CDH13: variants seen among roughly 807,000 people sequenced by gnomAD.
CDH13 encodes the protein cadherin 13.
In CDH13, 24 loss-of-function variants were observed where a neutral mutation model predicts 63.8. The ratio of observed to expected loss-of-function variants is 0.38; its 90% CI spans 0.27 to 0.53. CDH13 has a LOEUF of 0.53. CDH13 is among the 20% of genes least tolerant of loss of function. CDH13 has a pLI of 0.85. For synonymous variants in CDH13, 503 were observed against 355.3 expected, an observed-to-expected ratio of 1.42 and a Z score of -4.67; for missense variants, 1,049 against 903.1, an observed-to-expected ratio of 1.16 and a Z score of -2.07.
At chr16:82,710,693 T>G (rs1352878495) in intron 1 of CDH13, among the ~76,000 whole-genome samples, 2 of 146,164 alleles carry the variant, frequency 1.4e-5, no homozygotes, top group Non-Finnish European at 3.0e-5. Flanking sequence ...TATATTTGTA[T>G]ATTTATAAAT....
chr16:83,437,967 C>T (rs565080057), intron 6 of CDH13, among the ~76,000 whole-genome samples: 1 of 152,274 alleles, frequency 6.6e-6, no homozygotes, highest in South Asian at 2.1e-4. Context: ...TCCATCCATC[C>T]TCCTGGCCAC....
intron 2 of CDH13, chr16:82,953,590 G>T (rs1266788335): frequency 6.6e-6 from 1 of 152,180 alleles, no homozygotes; most frequent in Non-Finnish European, 1.5e-5. Context: ...CTGGTTGGCA[G>T]TTATATGTGC....
intron 1 of CDH13, among the ~76,000 whole-genome samples, chr16:82,788,260 C>T (rs1164759552): frequency 6.6e-6 from 1 of 152,156 alleles, no homozygotes. Flanking sequence ...CTTGACTTGA[C>T]ATGGGATGGT....
intron 2 of CDH13, among the ~76,000 whole-genome samples, chr16:82,983,311 C>T (rs1178965005): frequency 1.3e-5 from 2 of 152,216 alleles, no homozygotes; most frequent in Non-Finnish European, 2.9e-5. Context: ...CTCCCCGCTC[C>T]TCCCAGCTTC....
chr16:83,124,086 C>T (rs1276803533), intron 3 of CDH13, among the ~76,000 whole-genome samples: 2 of 152,088 alleles, frequency 1.3e-5, no homozygotes, highest in African/African-American at 2.4e-5. Context: ...CGTTCTGTCA[C>T]CCAGGATGGA....
At chr16:83,532,438 C>T (rs2075102015) in intron 7 of CDH13, among the ~76,000 whole-genome samples, 1 of 152,172 alleles carries the variant, frequency 6.6e-6, no homozygotes, top group African/African-American at 2.4e-5. Context: ...ATGGGAGTCC[C>T]TTAATAAAAT....
Position 83,446,119 on chromosome 16 carries a change from G to A in CDH13, c.782-40358G>A, listed in dbSNP as rs918305497. On this transcript the variant is annotated intron_variant, in intron 6 of 13. Coordinates refer to ENST00000567109, the MANE Select transcript of CDH13 (RefSeq NM_001257.5). ...GGAGTTCAAGACCAGCATGGCCAAC[G>A]TGGTGAAACCCCATCTCTACAAAAA... 5.9e-5 allele frequency among the ~76,000 whole-genome samples: 9 copies of A among 151,930 alleles called. No homozygotes were observed. The East Asian group carries it at 9.7e-4, about 16-fold the overall frequency.
intron 10 of CDH13, among the ~76,000 whole-genome samples, chr16:83,743,933 C>G (rs915616460): frequency 6.6e-6 from 1 of 151,714 alleles, no homozygotes; most frequent in Non-Finnish European, 1.5e-5. Context: ...AAGCCCAGCC[C>G]CTGGAATCCA....
intron 2 of CDH13, among the ~76,000 whole-genome samples, chr16:82,895,374 C>T (rs2041216955): frequency 6.6e-6 from 1 of 152,178 alleles, no homozygotes; most frequent in Non-Finnish European, 1.5e-5. Context: ...ACAAATTTGC[C>T]ACCATCCCCT....
At chr16:82,998,814 G>C (rs72794129) in intron 2 of CDH13, among the ~76,000 whole-genome samples, 23,936 of 149,354 alleles carry the variant, frequency 0.16, 2,293 homozygotes, top group African/African-American at 0.26. Flanking sequence ...ATTCATGTAC[G>C]CCTTAAGCCT....
intron 5 of CDH13, among the ~76,000 whole-genome samples, chr16:83,334,827 A>G (rs186117237): frequency 6.6e-6 from 1 of 152,280 alleles, no homozygotes; most frequent in Admixed American, 6.5e-5. Context: ...TTTAGAAAGG[A>G]TATGTAGATA....
At chr16:83,540,013 G>A (rs1055037513) in intron 7 of CDH13, among the ~76,000 whole-genome samples, 67 of 151,586 alleles carry the variant, frequency 4.4e-4, no homozygotes, top group African/African-American at 1.5e-3. Context: ...AATTTAGGTG[G>A]TTTGTCCTGG....
chr16:82,737,495 G>A (rs183245335), intron 1 of CDH13, among the ~76,000 whole-genome samples: 133 of 152,364 alleles, frequency 8.7e-4, no homozygotes, highest in African/African-American at 3.0e-3. Flanking sequence ...GAAGAGAGGG[G>A]TGGTCTGATG....
At chr16:83,529,374 T>C (rs889290156) in intron 7 of CDH13, among the ~76,000 whole-genome samples, 1 of 152,194 alleles carries the variant, frequency 6.6e-6, no homozygotes, top group Non-Finnish European at 1.5e-5. Context: ...TATTTGAGTT[T>C]ATATGTATAA....
At chr16:82,702,130 G>A (rs527488074) in intron 1 of CDH13, among the ~76,000 whole-genome samples, 1 of 152,234 alleles carries the variant, frequency 6.6e-6, no homozygotes, top group East Asian at 1.9e-4. Flanking sequence ...CCTTTTCTGT[G>A]TGTGCTGCGT....
intron 1 of CDH13, among the ~76,000 whole-genome samples, chr16:82,743,178 A>C (rs1341094841): frequency 6.6e-6 from 1 of 152,188 alleles, no homozygotes; most frequent in Non-Finnish European, 1.5e-5. Context: ...TTCTGGGCAA[A>C]ACCAGTTTTG....
intron 2 of CDH13, among the ~76,000 whole-genome samples, chr16:82,869,587 T>C (rs990614947): frequency 2.0e-5 from 3 of 152,186 alleles, no homozygotes; most frequent in Admixed American, 2.0e-4. Flanking sequence ...ACAGTTGTAC[T>C]ACAAAGCTAT....
chr16:83,397,433 C>T (rs2091904696), intron 6 of CDH13: 1 of 152,162 alleles, frequency 6.6e-6, no homozygotes, highest in African/African-American at 2.4e-5. Context: ...TACAGGTGAC[C>T]ATCCCTCTGC....
intron 3 of CDH13, among the ~76,000 whole-genome samples, chr16:83,050,498 CAT>C (rs1479928509): frequency 3.3e-5 from 5 of 152,100 alleles, no homozygotes; most frequent in African/African-American, 1.2e-4. Context: ...TATAGAAACC[CAT>C]ATATTTTCTT....
Sources: allele counts gnomAD v4.1 joint callset (sites outside exome capture counted in the v4.1 genomes callset), GRCh38; gene constraint gnomAD v4.1.1; transcripts MANE v1.5; gene names NCBI Gene and HGNC (gene_info 2026-07-23, HGNC 2026-07-21).